Variants in CCDC8 observed in about 807,000 individuals in gnomAD.
CCDC8 encodes the protein coiled-coil domain containing 8 subunit of 3M complex, also known as coiled-coil domain-containing protein 8.
In CCDC8, 6 loss-of-function variants were observed where a neutral mutation model predicts 5.2. The observed-to-expected ratio is 1.16, with a 90% CI of 0.63 to 2.28. The LOEUF (loss-of-function observed/expected upper bound fraction) is 2.28. Among genes scored for constraint, CCDC8 ranks in the 30% most tolerant of loss-of-function variants. The pLI, the probability that CCDC8 is intolerant of heterozygous loss-of-function variation, is 0.00. For synonymous variants in CCDC8, 310 were observed against 286.5 expected (o/e 1.08, Z -0.83); for missense variants, 724 against 712.2 (o/e 1.02, Z -0.19).
At position 46,412,265 on chromosome 19, in the gene CCDC8, GTCCTC is replaced by G; in HGVS notation, c.541_545del (p.Glu181GlnfsTer81). 1 of 1,604,144 alleles carries G rather than the reference GTCCTC, an allele frequency of 6.2e-7. No homozygotes were observed. The highest frequency in any genetic ancestry group is 8.5e-7 in the Non-Finnish European group (1 of 1,179,896). ...CTTTGGACAGCTGAGGCCCCAGGTT[GTCCTC>G]AAACATGGGCACTGGCAGGTTGACG... is the stretch of plus-strand genomic sequence containing the variant. On this transcript the variant is annotated frameshift_variant, in exon 1 of 1. Coordinates refer to ENST00000307522, the MANE Select transcript of CCDC8 (RefSeq NM_032040.5). LOFTEE classifies it low-confidence loss of function (END_TRUNC). This position sits in a 1 kb window ranked among gnomAD's most constrained non-coding sequence, Gnocchi z 4.7.
rs1973254854 is a variant in CCDC8, at chr19:46,413,121, GGA to G, written c.-313_-312del. The G allele has an allele frequency of 4.3e-6, 2 of 463,740 alleles. No homozygotes were observed. Among genetic ancestry groups the G allele is most frequent in the South Asian group, 2.5e-5 (1 of 40,188 alleles). The allele number at this position is 463,740 out of a possible 1,614,324, so 28.7% of individuals were successfully genotyped here. A position where few individuals can be genotyped will look rare whatever the true frequency, so the allele number is the denominator to read the frequency against. The stretch of plus-strand genomic sequence containing the variant: ...GGGGGGAGTTCCAGCAACGCTGACC[GGA>G]GAGTCTCACCTCCCTAGCCAGGGAC... On this transcript the variant is annotated 5_prime_UTR_variant, in exon 1 of 1. Coordinates refer to ENST00000307522, the MANE Select transcript of CCDC8 (RefSeq NM_032040.5).
Position 46,411,920 on chromosome 19 carries a change from T to TC in CCDC8, c.890dup (p.Glu298ArgfsTer5). On this transcript the variant is annotated frameshift_variant, in exon 1 of 1. Transcript: ENST00000307522. LOFTEE classifies it low-confidence loss of function (END_TRUNC). ...CTTCCCTTTGACTATCTGCAGCCTC[T>TC]CCCCCCTGATCAGCCTCGATGTCTG... The TC allele has an allele frequency of 3.1e-6, 5 of 1,611,828 alleles. No individual in the cohort carries two copies. The highest frequency in any genetic ancestry group is 4.2e-6 in the Non-Finnish European group (5 of 1,178,970).
At position 46,410,422 on chromosome 19, in the gene CCDC8, G is replaced by T. The variant is rs1973213969; in HGVS notation, c.*772C>A. Reference sequence around the variant, plus strand: ...TTACTGTACCTTATAACCAAGATCGGGTGAGGTGTGCAAACCAAGGGCCCT... The same window carrying T: ...TTACTGTACCTTATAACCAAGATCGTGTGAGGTGTGCAAACCAAGGGCCCT... On this transcript the variant is annotated 3_prime_UTR_variant, in exon 1 of 1. Coordinates refer to ENST00000307522, the MANE Select transcript of CCDC8 (RefSeq NM_032040.5). 6.6e-6 allele frequency: 1 copy of T among 152,118 alleles called. No homozygotes were observed. Among genetic ancestry groups the T allele is most frequent in the African/African-American group, 2.4e-5 (1 of 41,392 alleles). The allele number at this position is 152,118 out of a possible 1,614,324, so 9.4% of individuals were successfully genotyped here.
rs781374586 is a variant in CCDC8 at position 46,411,140 on chromosome 19, T to C, written c.*54A>G. The C allele has an allele frequency of 2.1e-5, 33 of 1,596,800 alleles. No homozygotes were observed. The highest frequency in any genetic ancestry group is 3.3e-4 in the Middle Eastern group (2 of 6,048). On this transcript the variant is annotated 3_prime_UTR_variant, in exon 1 of 1. Transcript: ENST00000307522. ...CACTTTGAAGTTCAGAGGCAGAGCA[T>C]CTCTCCCTCCCACACTTGGAGGGAG...
In CCDC8 at chr19:46,411,898, C is replaced by T. The variant is rs150848184; in HGVS notation, c.913G>A (p.Glu305Lys). The change falls in exon 1 of 1, where the codon GAA becomes AAA. Residue 305 changes from glutamate (E) to lysine (K), a missense_variant. By Grantham distance (56) the Glu-to-Lys change is moderately conservative. Transcript: ENST00000307522. ...TCCCGCTGGTCAGCTATGGCCTCTT[C>T]CCTTTGACTATCTGCAGCCTCTCCC... Reference protein sequence around the residue: ...QGGEAADSQREEAIADQREGA... With the variant: ...QGGEAADSQRKEAIADQREGA... The T allele has an allele frequency of 2.5e-6, 4 of 1,613,506 alleles. No homozygotes were observed. In the African/African-American group the frequency reaches 5.3e-5, roughly 22 times the overall value.
rs766377316 is a variant in CCDC8 at position 46,411,545 on chromosome 19, G to A, written c.1266C>T (p.Val422=). Residue 422 remains valine (V), a synonymous_variant, in exon 1 of 1, where the codon GTC becomes GTT. Coordinates refer to ENST00000307522, the MANE Select transcript of CCDC8 (RefSeq NM_032040.5). The part of the protein sequence containing the change: ...VHDQRERAPA[V]QGADNQRAQA... ...GTGCCCTCTGATTATCTGCACCCTG[G>A]ACAGCTGGGGCCCTTTCCCTCTGGT... 3.1e-6 allele frequency: 5 copies of A among 1,609,298 alleles called. No individual in the cohort carries two copies. Among genetic ancestry groups the A allele is most frequent in the Non-Finnish European group, 3.4e-6 (4 of 1,178,782 alleles).
At position 46,412,019 on chromosome 19, in the gene CCDC8, T is replaced by A; in HGVS notation, c.792A>T (p.Arg264=). The change falls in exon 1 of 1, where the codon CGA becomes CGT. Residue 264 remains arginine (R), a synonymous_variant. Coordinates refer to ENST00000307522, the MANE Select transcript of CCDC8 (RefSeq NM_032040.5). The surrounding 1 kb of genome is among the most constrained non-coding windows in gnomAD (Gnocchi z 4.7). Reference sequence around the variant, plus strand: ...AGGCCCAGTTGATCTTGGGCCTCCATCGCCTAGGGGAAGCCTGGGGCACAC... The same window carrying A: ...AGGCCCAGTTGATCTTGGGCCTCCAACGCCTAGGGGAAGCCTGGGGCACAC... ...DVCVPQASPR[R]WRPKINWASF... is the part of the protein sequence containing the mutation. 2 of 1,604,128 alleles carry A rather than the reference T, an allele frequency of 1.2e-6. No homozygotes were observed. Among genetic ancestry groups the A allele is most frequent in the Non-Finnish European group, 1.7e-6 (2 of 1,179,972 alleles).
In CCDC8 at chr19:46,412,076, CG is replaced by C; in HGVS notation, c.734del (p.Pro245ArgfsTer64). The C allele has an allele frequency of 6.3e-7, 1 of 1,599,870 alleles. No homozygotes were observed. Among genetic ancestry groups the C allele is most frequent in the Non-Finnish European group, 8.5e-7 (1 of 1,179,954 alleles). ...CTCCCGCGTTTCCCAAGCGATCCCC[CG>C]GGCTGGTGCCCTCTGGCGCCGATGA... Reference protein sequence around the residue: ...GVSSAPEGTSPGDRLGNAGDV... With the variant: ...GVSSAPEGTSXGDRLGNAGDV... On this transcript the variant is annotated frameshift_variant, in exon 1 of 1. Transcript: ENST00000307522. LOFTEE classifies it low-confidence loss of function (END_TRUNC). The surrounding 1 kb of genome is among the most constrained non-coding windows in gnomAD (Gnocchi z 4.7).
Position 46,411,119 on chromosome 19 carries a change from T to C in CCDC8, c.*75A>G. On this transcript the variant is annotated 3_prime_UTR_variant, in exon 1 of 1. Transcript: ENST00000307522. ...ACGTGGCCAGCACTCCACCTCCACT[T>C]TGAAGTTCAGAGGCAGAGCATCTCT... 6.4e-7 allele frequency: 1 copy of C among 1,574,180 alleles called. No homozygotes were observed. Among genetic ancestry groups the C allele is most frequent in the East Asian group, 2.2e-5 (1 of 44,578 alleles).
At position 46,411,658 on chromosome 19, in the gene CCDC8, C is replaced by T. The variant is rs540532754; in HGVS notation, c.1153G>A (p.Glu385Lys). The T allele has an allele frequency of 1.9e-6, 3 of 1,575,814 alleles. No individual in the cohort carries two copies. The South Asian group carries it at 3.5e-5, about 19-fold the overall frequency. The change falls in exon 1 of 1, where the codon GAA (glutamate) becomes AAA (lysine). Residue 385 changes from glutamate (E) to lysine (K), a missense_variant. Physicochemically the swap from Glu to Lys is moderately conservative, Grantham distance 56. Transcript: ENST00000307522. ...GCCCTCTGATTATCTGCAGCCTCTT[C>T]CCTGTGGTTATCTGTGCCCTGTGAC... is the stretch of plus-strand genomic sequence containing the variant. ...QRSQGTDNHR[E>K]EAADNQRAEA... is the part of the protein sequence containing the mutation.
chr19:46,410,853 G>A lies in CCDC8; in HGVS notation c.*341C>T, dbSNP rs115611217. The A allele has an allele frequency of 0.018, 3,867 of 209,078 alleles. 171 individuals carry two copies. The highest frequency in any genetic ancestry group is 0.092 in the African/African-American group (3,686 of 39,886). The allele number at this position is 209,078 out of a possible 1,614,324, so 13.0% of individuals were successfully genotyped here. A position where few individuals can be genotyped will look rare whatever the true frequency, so the allele number is the denominator to read the frequency against. ...TTTTTTGGGTTGCTACAAGGAATCA[G>A]TATTTTTTTTTTTTAATCAGATGGT... On this transcript the variant is annotated 3_prime_UTR_variant, in exon 1 of 1. Coordinates refer to ENST00000307522, the MANE Select transcript of CCDC8 (RefSeq NM_032040.5).
Position 46,412,964 on chromosome 19 carries a change from G to T in CCDC8, c.-154C>A. Reference sequence around the variant, plus strand: ...TGAGGCAGTCGGGGGACGGCAGGAAGCCCCAGGGGAACCAGCCCCCCACGT... The same window carrying T: ...TGAGGCAGTCGGGGGACGGCAGGAATCCCCAGGGGAACCAGCCCCCCACGT... On this transcript the variant is annotated 5_prime_UTR_variant, in exon 1 of 1. Transcript: ENST00000307522. This position sits in a 1 kb window ranked among gnomAD's most constrained non-coding sequence, Gnocchi z 4.7. 1 of 1,016,618 alleles carries T rather than the reference G, an allele frequency of 9.8e-7. No individual in the cohort carries two copies. Among genetic ancestry groups the T allele is most frequent in the African/African-American group, 1.6e-5 (1 of 62,618 alleles). The allele number at this position is 1,016,618 out of a possible 1,614,324, so 63.0% of individuals were successfully genotyped here.
chr19:46,412,392 A>C lies in CCDC8; in HGVS notation c.419T>G (p.Leu140Arg). 6.2e-7 allele frequency: 1 copy of C among 1,613,716 alleles called. No individual in the cohort carries two copies. Among genetic ancestry groups the C allele is most frequent in the Non-Finnish European group, 8.5e-7 (1 of 1,179,998 alleles). ...MPVSYLGSKF[L>R]GSDLESEDDE... ...ATCCTCACTCTCCAGGTCGCTTCCC[A>C]GGAACTTGCTGCCCAGGTAGCTGAC... Residue 140 changes from leucine (L) to arginine (R), a missense_variant, in exon 1 of 1, where the codon CTG (leucine) becomes CGG (arginine). Leu to Arg is a moderately radical substitution (Grantham distance 102, BLOSUM62 -2). Coordinates refer to ENST00000307522, the MANE Select transcript of CCDC8 (RefSeq NM_032040.5). This position sits in a 1 kb window ranked among gnomAD's most constrained non-coding sequence, Gnocchi z 4.7.
Position 46,412,400 on chromosome 19 carries a change from G to A in CCDC8, c.411C>T (p.Ser137=), listed in dbSNP as rs145768340. The change falls in exon 1 of 1, where the codon AGC becomes AGT. Residue 137 remains serine, a synonymous_variant. Coordinates refer to ENST00000307522, the MANE Select transcript of CCDC8 (RefSeq NM_032040.5). This position sits in a 1 kb window ranked among gnomAD's most constrained non-coding sequence, Gnocchi z 4.7. ...TCTCCAGGTCGCTTCCCAGGAACTT[G>A]CTGCCCAGGTAGCTGACGGGCATTT... ...VRKMPVSYLG[S]KFLGSDLESE... 6.8e-6 allele frequency: 11 copies of A among 1,613,518 alleles called. No individual in the cohort carries two copies. The highest frequency in any genetic ancestry group is 6.7e-5 in the East Asian group (3 of 44,892).
chr19:46,411,842 GGCCCCTGCCCTCTGATTACCTGCA>G lies in CCDC8; in HGVS notation c.945_968del (p.Ala316_Ala323del), dbSNP rs777798356. ...CAGCCTCTGCCCCCTGGTCAGCTGG[GGCCCCTGCCCTCTGATTACCTGCA>G]GCCCCTTCCCGCTGGTCAGCTATGG... On this transcript the variant is annotated inframe_deletion, in exon 1 of 1. Coordinates refer to ENST00000307522, the MANE Select transcript of CCDC8 (RefSeq NM_032040.5). The G allele has an allele frequency of 1.9e-6, 3 of 1,613,448 alleles. No homozygotes were observed. The highest frequency in any genetic ancestry group is 1.7e-5 in the Admixed American group (1 of 59,974).
rs753849206 is a variant in CCDC8 at position 46,412,161 on chromosome 19, G to A, written c.650C>T (p.Ala217Val). 6 of 1,597,826 alleles carry A rather than the reference G, an allele frequency of 3.8e-6. No individual in the cohort carries two copies. In the South Asian group the frequency reaches 4.4e-5, roughly 12 times the overall value. ...KRRVKGWAPR[A>V]GPGVGEARLA... ...CCGGGCCTCGCCCACCCCGGGGCCC[G>A]CCCTCGGCGCCCAACCCTTCACCCT... Residue 217 changes from alanine to valine, a missense_variant, in exon 1 of 1, where the codon GCG (alanine) becomes GTG (valine). Transcript: ENST00000307522. This position sits in a 1 kb window ranked among gnomAD's most constrained non-coding sequence, Gnocchi z 4.7.
Position 46,412,303 on chromosome 19 carries a change from G to C in CCDC8, c.508C>G (p.Arg170Gly). ...GGCACTGGCAGGTTGACGCGGCGGC[G>C]GGCAGGCGGCGCGCTGGGCTGCTTC... is the stretch of plus-strand genomic sequence containing the variant. ...QEKQPSAPPARRRVNLPVPMF... is the reference protein window; with the variant it reads ...QEKQPSAPPAGRRVNLPVPMF... The change falls in exon 1 of 1, where the codon CGC becomes GGC. Residue 170 changes from arginine to glycine, a missense_variant. Coordinates refer to ENST00000307522, the MANE Select transcript of CCDC8 (RefSeq NM_032040.5). This position sits in a 1 kb window ranked among gnomAD's most constrained non-coding sequence, Gnocchi z 4.7. 1 of 1,609,370 alleles carries C rather than the reference G, an allele frequency of 6.2e-7. No individual in the cohort carries two copies. The highest frequency in any genetic ancestry group is 8.5e-7 in the Non-Finnish European group (1 of 1,179,904).
rs1409464690 is a variant in CCDC8 at position 46,411,441 on chromosome 19, G to A, written c.1370C>T (p.Ser457Leu). The change falls in exon 1 of 1, where the codon TCA (serine) becomes TTA (leucine). Residue 457 changes from serine to leucine, a missense_variant. By Grantham distance (145) the Ser-to-Leu change is moderately radical. Transcript: ENST00000307522. Reference sequence around the variant, plus strand: ...TGTTCCTGTGGTCCCTTGGGCAGCTGAGACTTCAGCTTCCTGGATACCTGG... The same window carrying A: ...TGTTCCTGTGGTCCCTTGGGCAGCTAAGACTTCAGCTTCCTGGATACCTGG... ...GAPGIQEAEV[S>L]AAQGTTGTAP... 6.2e-7 allele frequency: 1 copy of A among 1,614,068 alleles called. No individual in the cohort carries two copies. The highest frequency in any genetic ancestry group is 8.5e-7 in the Non-Finnish European group (1 of 1,180,016).
In CCDC8 at chr19:46,411,295, G is replaced by C. The variant is rs768261432; in HGVS notation, c.1516C>G (p.Pro506Ala). Reference sequence around the variant, plus strand: ...TCTCCTGCCCTGGGGACTCTCTTGGGCAGGGTTGGCAACCGGGGAGTGTGC... The same window carrying C: ...TCTCCTGCCCTGGGGACTCTCTTGGCCAGGGTTGGCAACCGGGGAGTGTGC... ...FWHTPRLPTL[P>A]KRVPRAGEAR... The change falls in exon 1 of 1, where the codon CCC becomes GCC. Residue 506 changes from proline to alanine, a missense_variant. Coordinates refer to ENST00000307522, the MANE Select transcript of CCDC8 (RefSeq NM_032040.5). 1.2e-6 allele frequency: 2 copies of C among 1,614,192 alleles called. No homozygotes were observed. The highest frequency in any genetic ancestry group is 3.3e-5 in the Admixed American group (2 of 60,030).
Sources: gnomAD v4.1 joint callset for allele counts on GRCh38, gnomAD v4.1.1 for gene constraint, Gnocchi (gnomAD v3.1) non-coding constraint, MANE v1.5 for transcripts, NCBI Gene and HGNC (gene_info 2026-07-23, HGNC 2026-07-21) for gene names.